Variants in PCDHGB6 observed in about 807,000 individuals in gnomAD.
PCDHGB6 encodes protocadherin gamma-B6.
PCDHGB6 carries 51 observed loss-of-function variants against 59.1 expected under a neutral mutation model. The ratio of observed to expected loss-of-function variants is 0.86; its 90% CI spans 0.69 to 1.09. PCDHGB6 has a LOEUF of 1.09. Ranked by LOEUF, PCDHGB6 falls within the 50% of genes least tolerant of loss-of-function variation. The pLI, the probability that PCDHGB6 is intolerant of heterozygous loss-of-function variation, is 0.00. For missense variants in PCDHGB6, 1,148 were observed against 1,205.1 expected, an observed-to-expected ratio of 0.95 and a Z score of 0.70; for synonymous variants, 466 against 495.1, an observed-to-expected ratio of 0.94 and a Z score of 0.78.
At chr5:141,439,472 A>G (rs1185561573) in intron 1 of PCDHGB6, among the ~76,000 whole-genome samples, 3 of 152,228 alleles carry the variant, frequency 2.0e-5, no homozygotes, top group Non-Finnish European at 4.4e-5. Flanking sequence ...GCTGCCTTTC[A>G]GCTTGCAAAT....
At chr5:141,504,738 C>G (rs2099840693) in intron 2 of PCDHGB6, among the ~76,000 whole-genome samples, 1 of 151,874 alleles carries the variant, frequency 6.6e-6, no homozygotes, top group Non-Finnish European at 1.5e-5. Flanking sequence ...GCTTAGGAAG[C>G]CATTGAATTT....
chr5:141,500,184 TTTTA>T (rs58019021), intron 2 of PCDHGB6, among the ~76,000 whole-genome samples: 6,359 of 135,894 alleles, frequency 0.047, 285 homozygotes, highest in African/African-American at 0.12. Context: ...TCATTTTTAT[TTTTA>T]TTTATTTATT....
In PCDHGB6 at chr5:141,410,314, C is replaced by T; in HGVS notation, c.2112C>T (p.Leu704=). 6.2e-7 allele frequency: 1 copy of T among 1,614,036 alleles called. No homozygotes were observed. Among genetic ancestry groups the T allele is most frequent in the Non-Finnish European group, 8.5e-7 (1 of 1,179,902 alleles). Residue 704 remains leucine, a synonymous_variant, in exon 1 of 4, where the codon CTC becomes CTT. Coordinates refer to ENST00000520790, the MANE Select transcript of PCDHGB6 (RefSeq NM_018926.3). ...TGGCCTTAATCTCAGTGCTCTTCCTCCTCGCCGTGATTCTGGCCATTGCCT... is the reference window on the plus strand; with the variant it reads ...TGGCCTTAATCTCAGTGCTCTTCCTTCTCGCCGTGATTCTGGCCATTGCCT... ...VALALISVLF[L]LAVILAIALR... is the part of the protein sequence containing the mutation.
At chr5:141,498,967 GGGAGGGAAGGAAGGAAGGAA>G (rs1464205074) in intron 2 of PCDHGB6, among the ~76,000 whole-genome samples, 5 of 129,584 alleles carry the variant, frequency 3.9e-5, no homozygotes, top group African/African-American at 1.6e-4. Flanking sequence ...GAGGGAGGGA[GGGAGGGAAGGAAGGAAGGAA>G]GGAAGGAAGG....
chr5:141,435,260 T>C (rs1591368331), intron 1 of PCDHGB6, among the ~76,000 whole-genome samples: 1 of 152,236 alleles, frequency 6.6e-6, no homozygotes, highest in African/African-American at 2.4e-5. Context: ...TAGGGATATG[T>C]CCATTTATAC....
intron 1 of PCDHGB6, among the ~76,000 whole-genome samples, chr5:141,434,767 C>T (rs2097715264): frequency 6.6e-6 from 1 of 151,182 alleles, no homozygotes. Flanking sequence ...CCACTTCACA[C>T]TTCTAAAAAA....
intron 1 of PCDHGB6, among the ~76,000 whole-genome samples, chr5:141,439,190 C>CAAA (rs200519543): frequency 1.8e-5 from 2 of 111,760 alleles, no homozygotes; most frequent in African/African-American, 6.3e-5. Context: ...GAGACTCTGA[C>CAAA]AAAAAAAAAA....
In PCDHGB6 at chr5:141,408,212, A is replaced by C. The variant is rs1360693546; in HGVS notation, c.10A>C (p.Ser4Arg). ...AGAACCCGAGCGAACGATGGGAGGGAGCTGCGCGCAGAGGCGCCGGGCCGG... is the reference window on the plus strand; with the variant it reads ...AGAACCCGAGCGAACGATGGGAGGGCGCTGCGCGCAGAGGCGCCGGGCCGG... MGG[S>R]CAQRRRAGPR... The change falls in exon 1 of 4, where the codon AGC (serine) becomes CGC (arginine). Residue 4 changes from serine to arginine, a missense_variant. By Grantham distance (110) the Ser-to-Arg change is moderately radical (BLOSUM62 -1). Around this residue, in one of 5 missense-constraint regions of PCDHGB6, gnomAD observed 307 missense variants for 323.8 expected, o/e 0.95. Coordinates refer to ENST00000520790, the MANE Select transcript of PCDHGB6 (RefSeq NM_018926.3). 1.9e-6 allele frequency: 3 copies of C among 1,554,492 alleles called. No individual in the cohort carries two copies. In the Admixed American group the frequency reaches 5.9e-5, roughly 30 times the overall value.
In PCDHGB6 at chr5:141,420,077, C is replaced by T. The variant is rs760626443; in HGVS notation, c.2418+9457C>T. The T allele has an allele frequency of 2.9e-5, 47 of 1,613,782 alleles. No homozygotes were observed. Among genetic ancestry groups the T allele is most frequent in the Admixed American group, 1.0e-4 (6 of 60,004 alleles). The stretch of plus-strand genomic sequence containing the variant: ...CTGCTCCAAGTCCGGACCTGTGGGT[C>T]CCCCCAACTACAGTGAGGGAACGTT... On this transcript the variant is annotated intron_variant, in intron 1 of 3. Coordinates refer to ENST00000520790, the MANE Select transcript of PCDHGB6 (RefSeq NM_018926.3).
intron 1 of PCDHGB6, among the ~76,000 whole-genome samples, chr5:141,464,557 C>A (rs1342964264): frequency 6.6e-6 from 1 of 152,132 alleles, no homozygotes; most frequent in Non-Finnish European, 1.5e-5. Context: ...CCCCATCTTG[C>A]ATTCCTACAA....
chr5:141,426,589 T>G (rs2096945227), intron 1 of PCDHGB6: 1 of 369,180 alleles, frequency 2.7e-6, no homozygotes, highest in South Asian at 2.0e-5. Context: ...ATCCTCTGTG[T>G]CATACCCTTA....
intron 1 of PCDHGB6, among the ~76,000 whole-genome samples, chr5:141,474,705 A>C (rs114026580): frequency 0.01 from 1,561 of 152,324 alleles, 35 homozygotes; most frequent in African/African-American, 0.035. Context: ...TCAAGGTTCT[A>C]TTATACTTCA....
intron 1 of PCDHGB6, among the ~76,000 whole-genome samples, chr5:141,457,920 C>T (rs1340816332): frequency 6.6e-6 from 1 of 150,868 alleles, no homozygotes; most frequent in Non-Finnish European, 1.5e-5. Flanking sequence ...GCCAGTTCTC[C>T]CCAAGGGGCT....
chr5:141,494,855 G>C lies in PCDHGB6; in HGVS notation c.2467G>C (p.Gly823Arg), dbSNP rs200418116. The C allele has an allele frequency of 6.2e-7, 1 of 1,614,092 alleles. No homozygotes were observed. Among genetic ancestry groups the C allele is most frequent in the South Asian group, 1.1e-5 (1 of 91,072 alleles). ...DWRFSQAQRP[G>R]TSGSQNGDDT... is the part of the protein sequence containing the mutation. ...GCGTTTCTCTCAGGCCCAGAGACCC[G>C]GCACCAGCGGGTAGGTGACTGATTC... The change falls in exon 2 of 4, where the codon GGC (glycine) becomes CGC (arginine). Residue 823 changes from glycine (G) to arginine (R), a missense_variant. Transcript: ENST00000520790.
intron 1 of PCDHGB6, chr5:141,420,985 C>T (rs1371634966): frequency 4.1e-6 from 2 of 487,950 alleles, no homozygotes; most frequent in African/African-American, 4.0e-5. Flanking sequence ...GGGCTCTAGG[C>T]GCCGCTGCTC....
At chr5:141,439,668 A>C (rs944454917) in intron 1 of PCDHGB6, among the ~76,000 whole-genome samples, 1 of 152,230 alleles carries the variant, frequency 6.6e-6, no homozygotes, top group Non-Finnish European at 1.5e-5. Context: ...CATGGAATGC[A>C]AATCCAAGAG....
intron 1 of PCDHGB6, chr5:141,413,489 G>A (rs937434384): frequency 1.9e-6 from 3 of 1,614,036 alleles, no homozygotes; most frequent in Admixed American, 1.7e-5. Context: ...CAGAGCGCGC[G>A]GTGCGTGGTG....
At chr5:141,499,189 C>T (rs1406015145) in intron 2 of PCDHGB6, among the ~76,000 whole-genome samples, 3 of 152,088 alleles carry the variant, frequency 2.0e-5, no homozygotes, top group African/African-American at 7.2e-5. Flanking sequence ...AAACCATTTC[C>T]CCCTTCTTAG....
rs1002764667 is a variant in PCDHGB6, at chr5:141,468,260, G to A, written c.2419-26547G>A. 4.0e-5 allele frequency among the ~76,000 whole-genome samples: 6 copies of A among 150,102 alleles called. No homozygotes were observed. The East Asian group carries it at 1.2e-3, about 30-fold the overall frequency. ...GAATTGCCTGAACCTGGGAGGCAGA[G>A]GTTGTGGTGAGCCGAGACCACGCCA... On this transcript the variant is annotated intron_variant, in intron 1 of 3. Coordinates refer to ENST00000520790, the MANE Select transcript of PCDHGB6 (RefSeq NM_018926.3).
Sources: gnomAD v4.1 joint callset for allele counts (sites outside exome capture counted in the v4.1 genomes callset) on GRCh38, gnomAD v4.1.1 for gene constraint, gnomAD v4.1.1 regional missense constraint, MANE v1.5 for transcripts, NCBI Gene and HGNC (gene_info 2026-07-23, HGNC 2026-07-21) for gene names.